The following TENM2 variants were observed in gnomAD, a reference collection of about 807,000 sequenced individuals.
The protein encoded by TENM2 is teneurin transmembrane protein 2, also known as teneurin-2.
A neutral mutation model predicts 245.2 loss-of-function variants in TENM2; 52 were observed. That is an observed-to-expected ratio of 0.21 (90% CI 0.17 to 0.27). TENM2 has a LOEUF of 0.27. TENM2 is among the 10% of genes least tolerant of loss of function. TENM2 has a pLI of 1.00. For synonymous variants in TENM2, 1,363 were observed against 1,438.9 expected (o/e 0.95, Z 1.19); for missense variants, 3,046 against 3,666.8 (o/e 0.83, Z 4.37).
intron 2 of TENM2, among the ~76,000 whole-genome samples, chr5:167,530,588 G>T (rs1012493989): frequency 6.6e-6 from 1 of 152,136 alleles, no homozygotes; most frequent in Non-Finnish European, 1.5e-5. Context: ...TCGATCCCCT[G>T]CTGTCAAAAT....
chr5:167,778,497 C>T (rs74607673), intron 2 of TENM2, among the ~76,000 whole-genome samples: 11 of 152,222 alleles, frequency 7.2e-5, no homozygotes, highest in Non-Finnish European at 1.3e-4. Flanking sequence ...GAGAGTAACT[C>T]GGTACCTGCT....
intron 2 of TENM2, among the ~76,000 whole-genome samples, chr5:167,603,839 G>T (rs536341831): frequency 6.6e-6 from 1 of 152,292 alleles, no homozygotes; most frequent in African/African-American, 2.4e-5. Context: ...GTAAGACATA[G>T]AAGGAATGAT....
At chr5:167,688,915 A>G (rs1757245029) in intron 2 of TENM2, among the ~76,000 whole-genome samples, 1 of 152,212 alleles carries the variant, frequency 6.6e-6, no homozygotes, top group African/African-American at 2.4e-5. Context: ...AAATGTGGTC[A>G]TAAGTTTACA....
At chr5:167,073,074 C>A in the TENM2 span, among the ~76,000 whole-genome samples, 1 of 152,150 alleles carries the variant, frequency 6.6e-6, no homozygotes, top group Non-Finnish European at 1.5e-5. Flanking sequence ...ATTTTACATT[C>A]CTCTATTGAA....
intron 2 of TENM2, among the ~76,000 whole-genome samples, chr5:167,405,920 C>G (rs1762614924): frequency 6.6e-6 from 1 of 151,874 alleles, no homozygotes; most frequent in Non-Finnish European, 1.5e-5. Context: ...TTTCAAAAAC[C>G]CCCAAACTAA....
At chr5:168,151,312 G>T (rs1311597950) in intron 12 of TENM2, among the ~76,000 whole-genome samples, 1 of 152,124 alleles carries the variant, frequency 6.6e-6, no homozygotes, top group Non-Finnish European at 1.5e-5. Flanking sequence ...CCTTTCTGGG[G>T]CTTTGCTGTA....
the TENM2 span, among the ~76,000 whole-genome samples, chr5:167,073,964 T>C: frequency 6.6e-6 from 1 of 152,216 alleles, no homozygotes; most frequent in South Asian, 2.1e-4. Flanking sequence ...TTCTCTCAGG[T>C]TCTTTCTTAA....
intron 5 of TENM2, among the ~76,000 whole-genome samples, chr5:168,011,099 G>A (rs758512754): frequency 2.0e-5 from 3 of 152,224 alleles, no homozygotes; most frequent in South Asian, 2.1e-4. Flanking sequence ...TCTGCAGTCC[G>A]GATAGAGTAA....
rs577750745 is a variant in TENM2 at position 167,791,440 on chromosome 5, TATATA to T, written c.503-84540_503-84536del. On this transcript the variant is annotated intron_variant, in intron 2 of 28. Coordinates refer to ENST00000518659, the Ensembl canonical transcript of TENM2. ...AAATATATAATATATTATATATTTA[TATATA>T]ATATATTATATAGATTATATATTTA... is the stretch of plus-strand genomic sequence containing the variant. Among the ~76,000 whole-genome samples the T allele has an allele frequency of 7.9e-3, 1,154 of 145,612 alleles. 14 individuals are homozygous for T. The highest frequency in any genetic ancestry group is 0.027 in the African/African-American group (1,085 of 40,058).
chr5:167,830,733 T>C (rs1768397137), intron 2 of TENM2, among the ~76,000 whole-genome samples: 1 of 152,028 alleles, frequency 6.6e-6, no homozygotes, highest in South Asian at 2.1e-4. Context: ...AGAACAGGAG[T>C]TCTCAAACTT....
chr5:168,262,244 A>G lies in TENM2; in HGVS notation c.7759A>G (p.Ser2587Gly), dbSNP rs1411430220. 5.6e-6 allele frequency: 9 copies of G among 1,605,150 alleles called. No homozygotes were observed. The highest frequency in any genetic ancestry group is 7.7e-6 in the Non-Finnish European group (9 of 1,175,802). ...AGGGCGGGTGACCACGGGCGTGTCC[A>G]GCATCGCCAGCGAAGATAGCCGCAA... is the stretch of plus-strand genomic sequence containing the variant. The change falls in exon 29 of 29, where the codon AGC becomes GGC. Residue 2587 changes from serine (S) to glycine (G), a missense_variant. Coordinates refer to ENST00000518659, the Ensembl canonical transcript of TENM2.
At position 168,118,499 on chromosome 5, in the gene TENM2, G is replaced by A. The variant is rs1562181300; in HGVS notation, c.2008+13G>A. ...CACTGTGAGGAAGGTAAGCCCGCCG[G>A]CCCCGGGGCTAGGCAGCAGTGGAGG... On this transcript the variant is annotated intron_variant, in intron 10 of 28. Transcript: ENST00000518659. The A allele has an allele frequency of 1.3e-6, 2 of 1,501,474 alleles. No homozygotes were observed. Among genetic ancestry groups the A allele is most frequent in the East Asian group, 4.6e-5 (2 of 43,456 alleles). The allele number at this position is 1,501,474 out of a possible 1,614,324, so 93.0% of individuals were successfully genotyped here.
At chr5:167,310,304 T>A (rs1288791437) in intron 1 of TENM2, among the ~76,000 whole-genome samples, 1 of 152,228 alleles carries the variant, frequency 6.6e-6, no homozygotes, top group Non-Finnish European at 1.5e-5. Context: ...CTTAGCATAT[T>A]CGGATTATAG....
At chr5:167,984,664 A>T (rs908526038) in intron 4 of TENM2, among the ~76,000 whole-genome samples, 3 of 152,176 alleles carry the variant, frequency 2.0e-5, no homozygotes. Context: ...TGGGGGAAAA[A>T]AAAATTATAT....
chr5:167,892,221 A>C (rs1774817140), intron 3 of TENM2, among the ~76,000 whole-genome samples: 1 of 152,220 alleles, frequency 6.6e-6, no homozygotes, highest in Admixed American at 6.5e-5. Context: ...AACTTGAAAA[A>C]ATTATTTTCC....
chr5:167,017,876 A>G, the TENM2 span, among the ~76,000 whole-genome samples: 1 of 152,172 alleles, frequency 6.6e-6, no homozygotes, highest in Admixed American at 6.5e-5. Context: ...TACCGTTGTC[A>G]CGGACATGCT....
At chr5:168,199,037 C>A in exon 16 of TENM2, 1 of 1,613,920 alleles carries the variant, frequency 6.2e-7, no homozygotes, top group South Asian at 1.1e-5. Context: ...CCGGCCTGAT[C>A]CAATCATCAT....
rs1791945421 is a variant in TENM2 at position 168,080,985 on chromosome 5, T to G, written c.1516-9589T>G. Among the ~76,000 whole-genome samples the G allele has an allele frequency of 2.0e-5, 3 of 152,184 alleles. No homozygotes were observed. The South Asian group carries it at 6.2e-4, about 32-fold the overall frequency. On this transcript the variant is annotated intron_variant, in intron 7 of 28. Transcript: ENST00000518659. ...AGCTGAGTTCAATTCCTGGATATCC[T>G]TGTTAACTTTCTGTCTTGTTGATCC...
intron 13 of TENM2, among the ~76,000 whole-genome samples, chr5:168,178,952 T>C (rs911061314): frequency 6.6e-6 from 1 of 152,072 alleles, no homozygotes; most frequent in Non-Finnish European, 1.5e-5. Flanking sequence ...CTAGCCAACA[T>C]GGTGAAACCC....
Sources: allele counts gnomAD v4.1 joint callset (sites outside exome capture counted in the v4.1 genomes callset), GRCh38; gene constraint gnomAD v4.1.1; transcripts MANE v1.5; gene names NCBI Gene and HGNC (gene_info 2026-07-23, HGNC 2026-07-21).